PCED1B: variants seen among roughly 807,000 people sequenced by gnomAD.
The protein encoded by PCED1B is PC-esterase domain containing 1B.
For missense variants in PCED1B, 573 were observed against 573.9 expected, an observed-to-expected ratio of 1.00 and a Z score of 0.02; for synonymous variants, 251 against 246.1, an observed-to-expected ratio of 1.02 and a Z score of -0.19.
At chr12:47,103,025 G>T (rs1301851520) in intron 1 of PCED1B, among the ~76,000 whole-genome samples, 1 of 151,962 alleles carries the variant, frequency 6.6e-6, no homozygotes, top group Non-Finnish European at 1.5e-5. Flanking sequence ...GTCCAAGTAA[G>T]GGCACAGATA....
intron 2 of PCED1B, among the ~76,000 whole-genome samples, chr12:47,113,072 T>C (rs1846208795): frequency 6.6e-6 from 1 of 152,184 alleles, no homozygotes; most frequent in Non-Finnish European, 1.5e-5. Flanking sequence ...CACAATCCCC[T>C]CCCAATGACT....
At chr12:47,134,239 C>T (rs1940252311) in intron 2 of PCED1B, among the ~76,000 whole-genome samples, 2 of 152,168 alleles carry the variant, frequency 1.3e-5, no homozygotes, top group Admixed American at 1.3e-4. Flanking sequence ...AGTGCAAGGC[C>T]TTTACGAAAT....
At chr12:47,089,457 A>AAATATATAT in intron 1 of PCED1B, among the ~76,000 whole-genome samples, 1 of 29,446 alleles carries the variant, frequency 3.4e-5, no homozygotes, top group South Asian at 8.6e-4. Flanking sequence ...AAAAAAAAAA[A>AAATATATAT]ATACATATAT....
chr12:47,144,171 G>A (rs554692116), intron 2 of PCED1B, among the ~76,000 whole-genome samples: 14 of 152,298 alleles, frequency 9.2e-5, no homozygotes, highest in Non-Finnish European at 2.1e-4. Flanking sequence ...GGTGGGTTGA[G>A]CCACACCTGG....
At chr12:47,172,340 C>CTTTTTTTTTTTTTTTTTTTTTTTTGTTT (rs34230051) in intron 2 of PCED1B, among the ~76,000 whole-genome samples, 1 of 78,338 alleles carries the variant, frequency 1.3e-5, no homozygotes, top group African/African-American at 4.8e-5. Context: ...TCGTGGGTTG[C>CTTTTTTTTTTTTTTTTTTTTTTTTGTTT]TTTTTTTTTT....
chr12:47,235,146 C>G lies in PCED1B; in HGVS notation c.83C>G (p.Ala28Gly), dbSNP rs143928273. The change falls in exon 4 of 4, where the codon GCA becomes GGA. Residue 28 changes from alanine (A) to glycine (G), a missense_variant. Coordinates refer to ENST00000546455, the MANE Select transcript of PCED1B (RefSeq NM_138371.3). The stretch of plus-strand genomic sequence containing the variant: ...ATCCTGGGGGACTCTGTGCATAGGG[C>G]AGTATACAAGGACCTGGTGCTTCTG... ...VVILGDSVHR[A>G]VYKDLVLLLQ... 3.1e-4 allele frequency: 491 copies of G among 1,573,592 alleles called. 1 individual carries two copies. The highest frequency in any genetic ancestry group is 4.1e-4 in the Non-Finnish European group (471 of 1,159,416).
intron 2 of PCED1B, among the ~76,000 whole-genome samples, chr12:47,145,725 A>C (rs1940759550): frequency 6.6e-6 from 1 of 152,256 alleles, no homozygotes; most frequent in Non-Finnish European, 1.5e-5. Flanking sequence ...CAAGTCCACT[A>C]TTGAGACCTA....
At chr12:47,128,198 T>A (rs1357315908) in intron 2 of PCED1B, among the ~76,000 whole-genome samples, 1 of 152,236 alleles carries the variant, frequency 6.6e-6, no homozygotes, top group African/African-American at 2.4e-5. Flanking sequence ...GCACTGTGGT[T>A]CAAGGGCTGA....
At chr12:47,220,645 A>C (rs1281685784) in intron 3 of PCED1B, among the ~76,000 whole-genome samples, 1 of 152,264 alleles carries the variant, frequency 6.6e-6, no homozygotes, top group Non-Finnish European at 1.5e-5. Context: ...TGAGGGGTAC[A>C]AGGATGGGTG....
At chr12:47,230,086 C>CTTTTT (rs368243759) in intron 3 of PCED1B, among the ~76,000 whole-genome samples, 1 of 114,862 alleles carries the variant, frequency 8.7e-6, no homozygotes, top group African/African-American at 3.4e-5. Flanking sequence ...TAATCATTTT[C>CTTTTT]TTTTTTTTTT....
chr12:47,100,792 G>C (rs974110222), intron 1 of PCED1B, among the ~76,000 whole-genome samples: 2 of 152,204 alleles, frequency 1.3e-5, no homozygotes, highest in African/African-American at 4.8e-5. Context: ...GATTGGCCAG[G>C]CATGGTGGCT....
At chr12:47,195,157 C>T (rs572278573) in intron 2 of PCED1B, among the ~76,000 whole-genome samples, 41 of 151,982 alleles carry the variant, frequency 2.7e-4, no homozygotes, top group African/African-American at 9.4e-4. Context: ...GGCGAAATTC[C>T]GTCTCTTCTA....
At chr12:47,081,661 T>C (rs1231980525) in intron 1 of PCED1B, among the ~76,000 whole-genome samples, 1 of 152,246 alleles carries the variant, frequency 6.6e-6, no homozygotes, top group African/African-American at 2.4e-5. Context: ...CTCCAGGACT[T>C]CAATTTTATA....
chr12:47,148,805 G>A (rs941117869), intron 2 of PCED1B, among the ~76,000 whole-genome samples: 2 of 152,200 alleles, frequency 1.3e-5, no homozygotes, highest in African/African-American at 4.8e-5. Flanking sequence ...AGATTTTGGT[G>A]CAGCTGACTA....
At chr12:47,088,437 G>A (rs958834118) in intron 1 of PCED1B, among the ~76,000 whole-genome samples, 1 of 152,128 alleles carries the variant, frequency 6.6e-6, no homozygotes, top group Non-Finnish European at 1.5e-5. Context: ...TGGTCTGCAT[G>A]CCTAGGCTTC....
At chr12:47,145,680 C>T (rs1184754624) in intron 2 of PCED1B, among the ~76,000 whole-genome samples, 3 of 152,224 alleles carry the variant, frequency 2.0e-5, no homozygotes, top group Non-Finnish European at 4.4e-5. Context: ...TGGATAACAA[C>T]ATATCTATTT....
intron 3 of PCED1B, among the ~76,000 whole-genome samples, chr12:47,218,438 C>A (rs1199159224): frequency 1.3e-5 from 2 of 152,196 alleles, no homozygotes; most frequent in Admixed American, 1.3e-4. Flanking sequence ...TGCCAACAGG[C>A]AAAGCAGTGG....
intron 2 of PCED1B, among the ~76,000 whole-genome samples, chr12:47,215,069 C>T (rs961653080): frequency 6.6e-6 from 1 of 151,572 alleles, no homozygotes; most frequent in Non-Finnish European, 1.5e-5. Flanking sequence ...TGTAGTCATG[C>T]ACTGGGACCT....
At chr12:47,160,698 C>T (rs973206501) in intron 2 of PCED1B, among the ~76,000 whole-genome samples, 7 of 152,102 alleles carry the variant, frequency 4.6e-5, no homozygotes, top group African/African-American at 1.7e-4. Flanking sequence ...AAGACTTTTA[C>T]AGTTTTAGAT....
Sources: gnomAD v4.1 joint callset for allele counts (sites outside exome capture counted in the v4.1 genomes callset) on GRCh38, gnomAD v4.1.1 for gene constraint, MANE v1.5 for transcripts, NCBI Gene and HGNC (gene_info 2026-07-23, HGNC 2026-07-21) for gene names.